Variants in MAPKBP1 observed in about 807,000 individuals in gnomAD.
MAPKBP1 encodes the protein mitogen-activated protein kinase-binding protein 1.
MAPKBP1 carries 71 observed loss-of-function variants against 170.5 expected under a neutral mutation model. The observed-to-expected ratio is 0.42, with a 90% confidence interval of 0.34 to 0.51. The LOEUF (loss-of-function observed/expected upper bound fraction) is 0.51, where lower values mean the gene tolerates loss of function less well. Among genes scored for constraint, MAPKBP1 ranks in the 20% least tolerant of loss-of-function variants. MAPKBP1 has a pLI of 0.06. For missense variants in MAPKBP1, 1,598 were observed against 1,933.0 expected (o/e 0.83, Z 3.25); for synonymous variants, 719 against 757.9 (o/e 0.95, Z 0.84).
intron 2 of MAPKBP1, among the ~76,000 whole-genome samples, chr15:41,795,512 G>A (rs2064472892): frequency 6.6e-6 from 1 of 152,176 alleles, no homozygotes; most frequent in Non-Finnish European, 1.5e-5. Context: ...AGAGTATTTG[G>A]ATTTGAACTT....
At chr15:41,774,676 A>G (rs1392804440) in intron 1 of MAPKBP1, 66 bp downstream of exon 1, 2 of 398,600 alleles carry the variant, frequency 5.0e-6, no homozygotes, top group East Asian at 3.6e-5. Context: ...TGAAAGATAA[A>G]GGTCCAGAGC....
At chr15:41,803,417 A>AC (rs2064634263) in intron 3 of MAPKBP1, among the ~76,000 whole-genome samples, 1 of 142,440 alleles carries the variant, frequency 7.0e-6, no homozygotes, top group Non-Finnish European at 1.5e-5. Flanking sequence ...CCATCTCAAA[A>AC]AAAAAAAAAA....
At chr15:41,819,547 C>CGGGAG (rs1555454019) in intron 21 of MAPKBP1, 48 bp from the exon 22 acceptor site, 26 of 1,235,868 alleles carry the variant, frequency 2.1e-5, no homozygotes, top group South Asian at 2.8e-5. Context: ...GGTTGGGTGG[C>CGGGAG]GGGGGGGGGG....
intron 4 of MAPKBP1, 110 bp from the exon 5 acceptor site, chr15:41,811,068 T>A: frequency 6.6e-7 from 1 of 1,517,114 alleles, no homozygotes; most frequent in Non-Finnish European, 9.1e-7. Flanking sequence ...GATGGGGAAG[T>A]GCCACATGTG....
intron 30 of MAPKBP1, 191 bp from the exon 31 acceptor site, chr15:41,825,018 A>G: frequency 1.8e-6 from 1 of 558,520 alleles, no homozygotes; most frequent in Non-Finnish European, 3.2e-6. Context: ...TCTGCAATCC[A>G]ATGGGTTCCT....
intron 30 of MAPKBP1, 90 bp downstream of exon 30, chr15:41,824,659 C>A: frequency 7.9e-7 from 1 of 1,265,532 alleles, no homozygotes. Context: ...TATGCTAAGC[C>A]TCTTGTGCTG....
chr15:41,818,804 C>G lies in MAPKBP1; in HGVS notation c.2157-19C>G, dbSNP rs2064935633. 1 of 1,612,238 alleles carries G rather than the reference C, an allele frequency of 6.2e-7. No individual in the cohort carries two copies. Among genetic ancestry groups the G allele is most frequent in the Admixed American group, 1.7e-5 (1 of 59,970 alleles). On this transcript the variant is annotated intron_variant, in intron 19 of 30. Coordinates refer to ENST00000457542, the MANE Select transcript of MAPKBP1 (RefSeq NM_014994.3). The surrounding 1 kb of genome is among the most constrained non-coding windows in gnomAD (Gnocchi z 5.2). ...TTCTACCTGCCCCTCCTTCAGCCAA[C>G]TGTGTGGCTTTACCCCAGCTGCATA...
intron 3 of MAPKBP1, among the ~76,000 whole-genome samples, chr15:41,800,160 T>C (rs908475798): frequency 1.1e-4 from 17 of 152,210 alleles, no homozygotes; most frequent in African/African-American, 3.9e-4. Flanking sequence ...CACTTTATGT[T>C]ACACACAGTT....
intron 12 of MAPKBP1, 71 bp downstream of exon 12, chr15:41,815,870 A>G (rs1219082561): frequency 1.3e-6 from 2 of 1,498,036 alleles, no homozygotes; most frequent in Non-Finnish European, 1.8e-6. Context: ...AACTTTAGGG[A>G]GGGTTTGGCT....
In MAPKBP1 at chr15:41,820,949, C is replaced by T. The variant is rs199670186; in HGVS notation, c.2599C>T (p.Arg867Trp). 53 of 1,614,154 alleles carry T rather than the reference C, an allele frequency of 3.3e-5. No individual in the cohort carries two copies. Among genetic ancestry groups the T allele is most frequent in the South Asian group, 8.8e-5 (8 of 91,080 alleles). The change falls in exon 23 of 31, where the codon CGG becomes TGG. Residue 867 changes from arginine (R) to tryptophan (W), a missense_variant. Arg to Trp is a moderately radical substitution (Grantham distance 101). This residue lies in a region of MAPKBP1 where 942 missense variants were observed against 953.2 expected (regional missense o/e 0.99). Transcript: ENST00000457542. Reference sequence around the variant, plus strand: ...GAGCGTTAGATCCATGCTGGATCTGCGGCAGCTGGAAACACTGGCCCCAAG... The same window carrying T: ...GAGCGTTAGATCCATGCTGGATCTGTGGCAGCTGGAAACACTGGCCCCAAG... Reference protein sequence around the residue: ...ELSVRSMLDLRQLETLAPSLQ... With the variant: ...ELSVRSMLDLWQLETLAPSLQ...
chr15:41,817,477 C>T lies in MAPKBP1; in HGVS notation c.1782+19C>T. The T allele has an allele frequency of 6.2e-7, 1 of 1,613,626 alleles. No individual in the cohort carries two copies. The highest frequency in any genetic ancestry group is 8.5e-7 in the Non-Finnish European group (1 of 1,179,566). On this transcript the variant is annotated intron_variant, in intron 15 of 30. Coordinates refer to ENST00000457542, the MANE Select transcript of MAPKBP1 (RefSeq NM_014994.3). This position sits in a 1 kb window ranked among gnomAD's most constrained non-coding sequence, Gnocchi z 4.2. ...GCAGAAGGTGAGGGCGCTGGGCTTT[C>T]CTGAGAGGGGCGGGACAGGGCGGGG...
In MAPKBP1 at chr15:41,827,524, C is replaced by T; in HGVS notation, c.*2088C>T. Reference sequence around the variant, plus strand: ...TGGGACTCAGGTTCGCCCTCTGGGCCAGGTCCTTCACGAGGAGGGAGCTAC... The same window carrying T: ...TGGGACTCAGGTTCGCCCTCTGGGCTAGGTCCTTCACGAGGAGGGAGCTAC... On this transcript the variant is annotated 3_prime_UTR_variant, in exon 31 of 31. Coordinates refer to ENST00000457542, the MANE Select transcript of MAPKBP1 (RefSeq NM_014994.3). The T allele has an allele frequency of 6.6e-6, 1 of 152,314 alleles. No homozygotes were observed. The highest frequency in any genetic ancestry group is 1.5e-5 in the Non-Finnish European group (1 of 68,122). The allele number at this position is 152,314 out of a possible 1,614,324, so 9.4% of individuals were successfully genotyped here.
intron 1 of MAPKBP1, 107 bp downstream of exon 1, chr15:41,774,717 G>A (rs2064065956): frequency 5.0e-6 from 2 of 399,656 alleles, no homozygotes; most frequent in South Asian, 1.2e-4. Context: ...GAGCTCTGGA[G>A]GATAGGGAGT....
At position 41,822,281 on chromosome 15, in the gene MAPKBP1, C is replaced by T. The variant is rs759004396; in HGVS notation, c.3088C>T (p.Pro1030Ser). ...TGGCATCTCCTCAGACCTTGAAGAG[C>T]CAGCTGAGGGTGATGAAGAAGAGGA... ...VDGISSDLEE[P>S]AEGDEEEEEE... The change falls in exon 26 of 31, where the codon CCA (proline) becomes TCA (serine). Residue 1030 changes from proline to serine, a missense_variant. Coordinates refer to ENST00000457542, the MANE Select transcript of MAPKBP1 (RefSeq NM_014994.3). 2 of 1,613,976 alleles carry T rather than the reference C, an allele frequency of 1.2e-6. No individual in the cohort carries two copies. Among genetic ancestry groups the T allele is most frequent in the Non-Finnish European group, 1.7e-6 (2 of 1,179,982 alleles).
intron 30 of MAPKBP1, 27 bp downstream of exon 30, chr15:41,824,596 A>G (rs1282752436): frequency 1.3e-6 from 2 of 1,566,160 alleles, no homozygotes; most frequent in Admixed American, 3.6e-5. Context: ...CCCCGGCAGG[A>G]AGGCGGGCAC....
chr15:41,809,057 G>C (rs898841959), intron 3 of MAPKBP1, among the ~76,000 whole-genome samples: 1 of 136,722 alleles, frequency 7.3e-6, no homozygotes, highest in African/African-American at 2.8e-5. Flanking sequence ...CTGGGTGACA[G>C]AGCGAGACCC....
rs4923914 is a variant in MAPKBP1, at chr15:41,827,405, C to T, written c.*1969C>T. The T allele has an allele frequency of 0.27, 41,697 of 152,120 alleles. 6,700 individuals carry two copies. The highest frequency in any genetic ancestry group is 0.36 in the Admixed American group (5,538 of 15,258). 9.4% of individuals were successfully genotyped at this position (152,120 alleles called of 1,614,324 possible). ...TGGCCCTTCCCCACTCCTCTAGCAT[C>T]GCCACCCGCATGGCCCTGGAACTCC... On this transcript the variant is annotated 3_prime_UTR_variant, in exon 31 of 31. Transcript: ENST00000457542.
chr15:41,776,967 G>A (rs2064108499), intron 2 of MAPKBP1, among the ~76,000 whole-genome samples: 1 of 152,186 alleles, frequency 6.6e-6, no homozygotes, highest in African/African-American at 2.4e-5. Flanking sequence ...AACACGGTGT[G>A]GTAAGTGCTG....
intron 13 of MAPKBP1, 127 bp from the exon 14 acceptor site, chr15:41,816,783 C>G (rs1266164220): frequency 1.4e-6 from 2 of 1,476,890 alleles, no homozygotes; most frequent in East Asian, 2.3e-5. Context: ...AGGAAGACAG[C>G]TCTGTCCTTG....
Sources: allele counts gnomAD v4.1 joint callset (sites outside exome capture counted in the v4.1 genomes callset), GRCh38; gene constraint gnomAD v4.1.1; regional missense constraint gnomAD v4.1.1; non-coding constraint Gnocchi (gnomAD v3.1); transcripts MANE v1.5; gene names NCBI Gene and HGNC (gene_info 2026-07-23, HGNC 2026-07-21).